The following SAMM50 variants were observed in gnomAD, a reference collection of about 807,000 sequenced individuals.
The protein encoded by SAMM50 is SAMM50 sorting and assembly machinery component.
Under a neutral mutation model 66.9 loss-of-function variants are expected in SAMM50, and 47 were observed. The ratio of observed to expected loss-of-function variants is 0.70; its 90% CI spans 0.56 to 0.90. The LOEUF is 0.90. Among genes scored for constraint, SAMM50 ranks in the 40% least tolerant of loss-of-function variants. The pLI, the probability that SAMM50 is intolerant of heterozygous loss-of-function variation, is 0.00. For synonymous variants in SAMM50, 191 were observed against 214.1 expected (o/e 0.89, Z 0.94); for missense variants, 535 against 595.3 (o/e 0.90, Z 1.05).
At chr22:43,964,339 A>G in intron 2 of SAMM50, 113 bp from the exon 3 acceptor site, 1 of 606,584 alleles carries the variant, frequency 1.6e-6, no homozygotes, top group Non-Finnish European at 3.0e-6. Context: ...AGTGTGGATT[A>G]TTAAACTTGA....
At chr22:43,976,590 A>G (rs1603419445) in intron 8 of SAMM50, among the ~76,000 whole-genome samples, 160 bp from the exon 9 acceptor site, 1 of 152,304 alleles carries the variant, frequency 6.6e-6, no homozygotes, top group South Asian at 2.1e-4. Context: ...CCTATGTAAG[A>G]TAGGGACAGT....
intron 3 of SAMM50, among the ~76,000 whole-genome samples, chr22:43,965,427 T>A (rs1359161411): frequency 6.6e-6 from 1 of 151,988 alleles, no homozygotes; most frequent in Non-Finnish European, 1.5e-5. Flanking sequence ...AGGCTGGTCT[T>A]CAACTCTTGG....
chr22:43,995,628 G>T (rs576648038), intron 14 of SAMM50: 1 of 152,584 alleles, frequency 6.6e-6, no homozygotes, highest in East Asian at 1.9e-4. Flanking sequence ...GCAGTGTGTC[G>T]GAAAGAACAA....
At chr22:43,963,434 T>C (rs1603418668) in intron 2 of SAMM50, 38 bp downstream of exon 2, 1 of 1,323,420 alleles carries the variant, frequency 7.6e-7, no homozygotes, top group East Asian at 2.3e-5. Context: ...GAATTGTTAG[T>C]GGAAACATTC....
chr22:43,967,681 C>A (rs189626935), intron 3 of SAMM50, among the ~76,000 whole-genome samples: 61 of 152,222 alleles, frequency 4.0e-4, no homozygotes, highest in African/African-American at 1.4e-3. Context: ...TCCGTTCTTT[C>A]TCACAAGGAA....
At chr22:43,980,150 AT>A (rs2050256759) in intron 10 of SAMM50, among the ~76,000 whole-genome samples, 1 of 17,556 alleles carries the variant, frequency 5.7e-5, no homozygotes. Context: ...CCATCCATCC[AT>A]CCATCCATCC....
chr22:43,972,740 A>G (rs1468868068), intron 5 of SAMM50, 131 bp from the exon 6 acceptor site: 2 of 847,598 alleles, frequency 2.4e-6, no homozygotes, highest in African/African-American at 3.5e-5. Flanking sequence ...TACAAATGAA[A>G]GACTAGATCT....
rs1225073470 is a variant in SAMM50 at position 43,977,796 on chromosome 22, G to T, written c.850-76G>T. The T allele has an allele frequency of 2.5e-5, 25 of 1,000,864 alleles. No homozygotes were observed. In the Admixed American group the frequency reaches 4.4e-4, roughly 18 times the overall value. 62.0% of individuals were successfully genotyped at this position (1,000,864 alleles called of 1,614,324 possible). ...ATACAAAACGGCAAAATTAAATCCT[G>T]ATGCAAAAACATGATTCTGTAGCCC... On this transcript the variant is annotated intron_variant, in intron 9 of 14. Transcript: ENST00000350028.
At chr22:43,969,845 C>T (rs968025518) in intron 4 of SAMM50, among the ~76,000 whole-genome samples, 2 of 152,116 alleles carry the variant, frequency 1.3e-5, no homozygotes, top group Non-Finnish European at 2.9e-5. Context: ...GAAGAAAAGC[C>T]GTCAGGAGCC....
At chr22:43,995,022 T>A (rs1603420781) in intron 14 of SAMM50, among the ~76,000 whole-genome samples, 1 of 152,328 alleles carries the variant, frequency 6.6e-6, no homozygotes, top group South Asian at 2.1e-4. Flanking sequence ...TTGAAGGAGC[T>A]GAGAGTGTAC....
rs931276071 is a variant in SAMM50 at position 43,983,324 on chromosome 22, A to G, written c.1008-609A>G. Among the ~76,000 whole-genome samples the G allele has an allele frequency of 6.6e-6, 1 of 152,190 alleles. No individual in the cohort carries two copies. Among genetic ancestry groups the G allele is most frequent in the Admixed American group, 6.5e-5 (1 of 15,282 alleles). On this transcript the variant is annotated intron_variant, in intron 11 of 14. Transcript: ENST00000350028. This position sits in a 1 kb window ranked among gnomAD's most constrained non-coding sequence, Gnocchi z 4.2. Reference sequence around the variant, plus strand: ...AAATCGGGTTCTAATATGCTGTTCAATTTTTCAGAAAGTGGATGGGTTTTT... The same window carrying G: ...AAATCGGGTTCTAATATGCTGTTCAGTTTTTCAGAAAGTGGATGGGTTTTT...
intron 9 of SAMM50, 107 bp from the exon 10 acceptor site, chr22:43,977,764 TA>T: frequency 2.7e-6 from 2 of 730,496 alleles, no homozygotes; most frequent in Non-Finnish European, 4.5e-6. Context: ...CTGTAGCCTT[TA>T]AAAAAATACA....
At chr22:43,990,659 G>T (rs577036831) in intron 14 of SAMM50, among the ~76,000 whole-genome samples, 1 of 152,230 alleles carries the variant, frequency 6.6e-6, no homozygotes, top group East Asian at 1.9e-4. Flanking sequence ...GGTAGTGGGA[G>T]CCCCTGCCAG....
intron 3 of SAMM50, 124 bp downstream of exon 3, chr22:43,964,677 A>G (rs1211929979): frequency 1.8e-6 from 1 of 569,842 alleles, no homozygotes; most frequent in Non-Finnish European, 3.2e-6. Flanking sequence ...CTCCTACCCC[A>G]CAGGGAGCCT....
At chr22:43,967,896 C>T in intron 3 of SAMM50, among the ~76,000 whole-genome samples, 1 of 152,150 alleles carries the variant, frequency 6.6e-6, no homozygotes, top group Non-Finnish European at 1.5e-5. Context: ...AAAGAAAGGA[C>T]ACAAAGTTGA....
intron 7 of SAMM50, 93 bp downstream of exon 7, chr22:43,973,416 A>G: frequency 1.3e-6 from 1 of 757,098 alleles, no homozygotes; most frequent in Non-Finnish European, 2.4e-6. Context: ...GCAGCGTGGA[A>G]AGCACAGGCC....
At chr22:43,978,061 C>A in intron 10 of SAMM50, 103 bp downstream of exon 10, 1 of 763,124 alleles carries the variant, frequency 1.3e-6, no homozygotes, top group Non-Finnish European at 2.2e-6. Context: ...GAGTGGAAGC[C>A]TGGGCGGTAA....
At chr22:43,994,801 A>G (rs1569037999) in intron 14 of SAMM50, among the ~76,000 whole-genome samples, 1 of 152,066 alleles carries the variant, frequency 6.6e-6, no homozygotes, top group Admixed American at 6.5e-5. Context: ...TGCAGTGGGT[A>G]TTTTGTTCTG....
At chr22:43,974,368 G>A (rs1330492274) in intron 7 of SAMM50, among the ~76,000 whole-genome samples, 1 of 152,224 alleles carries the variant, frequency 6.6e-6, no homozygotes. Context: ...TCTGTGAAAT[G>A]AAGGACAGGA....
Sources: allele counts gnomAD v4.1 joint callset (sites outside exome capture counted in the v4.1 genomes callset), GRCh38; gene constraint gnomAD v4.1.1; non-coding constraint Gnocchi (gnomAD v3.1); transcripts MANE v1.5; gene names NCBI Gene and HGNC (gene_info 2026-07-23, HGNC 2026-07-21).